LRIG1: variants seen among roughly 807,000 people sequenced by gnomAD.
LRIG1 encodes the protein leucine-rich repeats and immunoglobulin-like domains protein 1.
In LRIG1, 48 loss-of-function variants were observed where a neutral mutation model predicts 99.2. The ratio of observed to expected loss-of-function variants is 0.48; its 90% CI spans 0.38 to 0.62. LRIG1 has a LOEUF of 0.62. Among genes scored for constraint, LRIG1 ranks in the 20% least tolerant of loss-of-function variants. LRIG1 has a pLI of 0.00. For missense variants in LRIG1, 1,646 were observed against 1,434.4 expected (o/e 1.15, Z -2.38); for synonymous variants, 772 against 596.1 (o/e 1.29, Z -4.30).
intron 1 of LRIG1, among the ~76,000 whole-genome samples, chr3:66,486,186 T>C (rs1306667772): frequency 6.6e-6 from 1 of 152,200 alleles, no homozygotes; most frequent in East Asian, 1.9e-4. Flanking sequence ...AATAACATTA[T>C]AGCTACCCTT....
At chr3:66,449,186 G>A (rs1703819422) in intron 3 of LRIG1, among the ~76,000 whole-genome samples, 2 of 152,218 alleles carry the variant, frequency 1.3e-5, no homozygotes. Context: ...GAAAAGGCAT[G>A]AAGCATTATC....
chr3:66,466,263 G>A (rs552816114), intron 1 of LRIG1, among the ~76,000 whole-genome samples: 3 of 151,964 alleles, frequency 2.0e-5, no homozygotes, highest in Non-Finnish European at 4.4e-5. Flanking sequence ...GGCTAGTCTT[G>A]AACTCCTGGC....
intron 4 of LRIG1, among the ~76,000 whole-genome samples, chr3:66,416,463 G>C (rs1009520949): frequency 2.6e-5 from 4 of 152,288 alleles, no homozygotes; most frequent in African/African-American, 9.6e-5. Context: ...CGTCTCTTTA[G>C]CCTGGGGTTG....
At chr3:66,460,269 G>C (rs767955077) in intron 2 of LRIG1, among the ~76,000 whole-genome samples, 4 of 152,208 alleles carry the variant, frequency 2.6e-5, no homozygotes, top group Non-Finnish European at 5.9e-5. Flanking sequence ...TAAGTTTGGA[G>C]ATGTACACAG....
At chr3:66,389,170 G>A (rs1701518050) in intron 12 of LRIG1, among the ~76,000 whole-genome samples, 1 of 152,126 alleles carries the variant, frequency 6.6e-6, no homozygotes, top group Non-Finnish European at 1.5e-5. Context: ...GAACTAGATT[G>A]TTGTAAGATG....
intron 3 of LRIG1, among the ~76,000 whole-genome samples, chr3:66,443,361 A>AGTGAGGGGGCGGGGGATGG (rs1703610555): frequency 8.0e-6 from 1 of 125,718 alleles, no homozygotes; most frequent in African/African-American, 3.0e-5. Flanking sequence ...GCGGGGGATG[A>AGTGAGGGGGCGGGGGATGG]GTGAGGGGGT....
At chr3:66,456,463 C>T (rs1409414399) in intron 2 of LRIG1, among the ~76,000 whole-genome samples, 2 of 151,554 alleles carry the variant, frequency 1.3e-5, no homozygotes. Flanking sequence ...GTTCCAGCTA[C>T]TCAGGAGGCT....
At chr3:66,386,376 A>G in intron 12 of LRIG1, 75 bp from the exon 13 acceptor site, 1 of 1,271,148 alleles carries the variant, frequency 7.9e-7, no homozygotes, top group Non-Finnish European at 1.1e-6. Flanking sequence ...TCATGCTAAC[A>G]GAAACTGACA....
At chr3:66,435,083 T>C (rs1346289760) in intron 3 of LRIG1, among the ~76,000 whole-genome samples, 9 of 152,170 alleles carry the variant, frequency 5.9e-5, no homozygotes, top group African/African-American at 1.7e-4. Flanking sequence ...GGCACATCCA[T>C]ATTATGGAAT....
rs1055696010 is a variant in LRIG1, at chr3:66,500,548, C to T, written c.-141G>A. The T allele has an allele frequency of 4.7e-6, 2 of 425,314 alleles. No homozygotes were observed. The highest frequency in any genetic ancestry group is 2.1e-5 in the African/African-American group (1 of 48,440). The allele number at this position is 425,314 out of a possible 1,614,324, so 26.3% of individuals were successfully genotyped here. On this transcript the variant is annotated 5_prime_UTR_variant, in exon 1 of 19. Coordinates refer to ENST00000273261, the MANE Select transcript of LRIG1 (RefSeq NM_015541.3). ...TGGCCCCCGCCCCAAGTTCTCTCTG[C>T]GGCCGCGGCTCCGGCACTCAGCGTG...
intron 1 of LRIG1, 110 bp from the exon 2 acceptor site, chr3:66,462,619 T>C (rs1353245549): frequency 1.4e-6 from 1 of 736,876 alleles, no homozygotes; most frequent in Admixed American, 2.1e-5. Context: ...CAAGCCCCCA[T>C]CCCATGATCA....
chr3:66,396,587 A>G (rs1488193042), intron 11 of LRIG1, among the ~76,000 whole-genome samples: 2 of 152,210 alleles, frequency 1.3e-5, no homozygotes, highest in African/African-American at 4.8e-5. Flanking sequence ...TGGGAAACCC[A>G]GGCAGGAGAC....
intron 1 of LRIG1, among the ~76,000 whole-genome samples, chr3:66,483,947 C>T (rs974145136): frequency 6.6e-6 from 1 of 152,220 alleles, no homozygotes; most frequent in African/African-American, 2.4e-5. Flanking sequence ...AACTACAAAG[C>T]CACTTCAGTG....
At chr3:66,491,356 T>C (rs1701097518) in intron 1 of LRIG1, among the ~76,000 whole-genome samples, 1 of 152,212 alleles carries the variant, frequency 6.6e-6, no homozygotes, top group African/African-American at 2.4e-5. Flanking sequence ...ATTAATAGCT[T>C]GGTAGAAACC....
chr3:66,380,043 CTT>C lies in LRIG1; in HGVS notation c.*218_*219del, dbSNP rs1341007473. 1 of 446,540 alleles carries C rather than the reference CTT, an allele frequency of 2.2e-6. No individual in the cohort carries two copies. The highest frequency in any genetic ancestry group is 4.0e-6 in the Non-Finnish European group (1 of 251,144). The allele number at this position is 446,540 out of a possible 1,614,324, so 27.7% of individuals were successfully genotyped here. On this transcript the variant is annotated 3_prime_UTR_variant, in exon 19 of 19. Coordinates refer to ENST00000273261, the MANE Select transcript of LRIG1 (RefSeq NM_015541.3). ...GATATATATGAAATCTCTGAAAACT[CTT>C]ATGTACAATGATATCAAATACTTTT...
chr3:66,411,184 C>G (rs1255865218), intron 6 of LRIG1, among the ~76,000 whole-genome samples: 2 of 152,200 alleles, frequency 1.3e-5, no homozygotes, highest in Non-Finnish European at 2.9e-5. Flanking sequence ...CCAGGAAGGA[C>G]AGCGCCAGCC....
intron 3 of LRIG1, among the ~76,000 whole-genome samples, chr3:66,425,263 A>AAATCTG (rs2106724255): frequency 6.6e-6 from 1 of 152,338 alleles, no homozygotes; most frequent in South Asian, 2.1e-4. Flanking sequence ...AAGCTTGGCT[A>AAATCTG]AATCTGAACA....
At chr3:66,408,963 G>GGGGA (rs1702373057) in intron 7 of LRIG1, among the ~76,000 whole-genome samples, 1 of 73,330 alleles carries the variant, frequency 1.4e-5, no homozygotes, top group African/African-American at 4.6e-5. Flanking sequence ...TGTGTGTGTG[G>GGGGA]TGGGGGGAGG....
At chr3:66,448,002 C>T (rs946515873) in intron 3 of LRIG1, among the ~76,000 whole-genome samples, 2 of 152,202 alleles carry the variant, frequency 1.3e-5, no homozygotes, top group African/African-American at 2.4e-5. Flanking sequence ...GCTCCCTCAC[C>T]GGAACCCATT....
Sources: gnomAD v4.1 joint callset for allele counts (sites outside exome capture counted in the v4.1 genomes callset) on GRCh38, gnomAD v4.1.1 for gene constraint, MANE v1.5 for transcripts, NCBI Gene and HGNC (gene_info 2026-07-23, HGNC 2026-07-21) for gene names.